Variants in PGBD1 observed in about 807,000 individuals in gnomAD.
PGBD1 encodes piggyBac transposable element derived 1.
A neutral mutation model predicts 34.7 loss-of-function variants in PGBD1; 25 were observed. That is an observed-to-expected ratio of 0.72 (90% CI 0.52 to 1.00). The LOEUF (loss-of-function observed/expected upper bound fraction) is 1.00, where lower values mean the gene tolerates loss of function less well. Among genes scored for constraint, PGBD1 ranks in the 50% least tolerant of loss-of-function variants. PGBD1 has a pLI of 0.00. For missense variants in PGBD1, 830 were observed against 959.4 expected, an observed-to-expected ratio of 0.87 and a Z score of 1.78; for synonymous variants, 292 against 335.7, an observed-to-expected ratio of 0.87 and a Z score of 1.42.
Position 28,301,421 on chromosome 6 carries a change from A to G in PGBD1, c.1567A>G (p.Arg523Gly). ...LDQKDKFTKL[R>G]PLIKQMNKNF... ...TCAAAAAGATAAGTTTACAAAGTTGAGACCTCTCATAAAACAAATGAATAA... is the reference window on the plus strand; with the variant it reads ...TCAAAAAGATAAGTTTACAAAGTTGGGACCTCTCATAAAACAAATGAATAA... The change falls in exon 7 of 7, where the codon AGA becomes GGA. Residue 523 changes from arginine (R) to glycine (G), a missense_variant. Around this residue, in one of 3 missense-constraint regions of PGBD1, gnomAD observed 372 missense variants for 427.9 expected, o/e 0.87. Transcript: ENST00000682144. 2 of 1,614,054 alleles carry G rather than the reference A, an allele frequency of 1.2e-6. No homozygotes were observed. The highest frequency in any genetic ancestry group is 1.7e-6 in the Non-Finnish European group (2 of 1,180,026).
At chr6:28,287,058 C>T in intron 3 of PGBD1, 22 bp from the exon 4 acceptor site, 1 of 1,592,114 alleles carries the variant, frequency 6.3e-7, no homozygotes. Flanking sequence ...TCATTTAGGA[C>T]TCTTGCCCTC....
In PGBD1 at chr6:28,301,933, C is replaced by G; in HGVS notation, c.2079C>G (p.Gly693=). ...EIILCRWYGD[G]IISLCSNAVG... ...TTTTGTGTCGTTGGTATGGGGATGGCATTATCAGTCTGTGCTCCAATGCTG... is the reference window on the plus strand; with the variant it reads ...TTTTGTGTCGTTGGTATGGGGATGGGATTATCAGTCTGTGCTCCAATGCTG... Residue 693 remains glycine, a synonymous_variant, in exon 7 of 7, where the codon GGC becomes GGG. Coordinates refer to ENST00000682144, the MANE Select transcript of PGBD1 (RefSeq NM_032507.4). 1 of 1,614,112 alleles carries G rather than the reference C, an allele frequency of 6.2e-7. No individual in the cohort carries two copies. The highest frequency in any genetic ancestry group is 1.3e-5 in the African/African-American group (1 of 75,010).
intron 3 of PGBD1, among the ~76,000 whole-genome samples, chr6:28,286,115 A>G (rs969184428): frequency 3.3e-5 from 5 of 152,232 alleles, no homozygotes; most frequent in Admixed American, 6.5e-5. Flanking sequence ...AGTACATATA[A>G]TAGTAAAAGT....
chr6:28,289,527 C>A (rs996257092), intron 4 of PGBD1, among the ~76,000 whole-genome samples: 5 of 152,182 alleles, frequency 3.3e-5, no homozygotes, highest in Non-Finnish European at 5.9e-5. Flanking sequence ...AGTACATGGA[C>A]AAACCCAGAA....
intron 5 of PGBD1, 79 bp from the exon 6 acceptor site, chr6:28,297,816 G>GTGTTTTTTT: frequency 2.9e-6 from 1 of 347,644 alleles, no homozygotes; most frequent in Non-Finnish European, 4.9e-6. Context: ...TACCCTGGAA[G>GTGTTTTTTT]TTTTTTTTTT....
intron 6 of PGBD1, among the ~76,000 whole-genome samples, chr6:28,299,536 C>G (rs1303547866): frequency 6.6e-6 from 1 of 152,120 alleles, no homozygotes; most frequent in African/African-American, 2.4e-5. Context: ...TACATGCAGA[C>G]ACTGAAGACA....
rs866954331 is a variant in PGBD1 at position 28,300,918 on chromosome 6, A to G, written c.1064A>G (p.Gln355Arg). ...KDKARVSELLQGLSFSGDSDV... is the reference protein window; with the variant it reads ...KDKARVSELLRGLSFSGDSDV... The stretch of plus-strand genomic sequence containing the variant: ...AAAGCTCGAGTGAGTGAACTGCTCC[A>G]AGGCCTCTCATTCTCTGGTGACTCA... Residue 355 changes from glutamine to arginine, a missense_variant, in exon 7 of 7, where the codon CAA becomes CGA. Physicochemically the swap from Gln to Arg is conservative, Grantham distance 43. Transcript: ENST00000682144. The surrounding 1 kb of genome is among the most constrained non-coding windows in gnomAD (Gnocchi z 4.0). The G allele has an allele frequency of 6.2e-7, 1 of 1,614,020 alleles. No individual in the cohort carries two copies. The highest frequency in any genetic ancestry group is 1.3e-5 in the African/African-American group (1 of 74,914).
At position 28,299,531 on chromosome 6, in the gene PGBD1, G is replaced by A. The variant is rs2223287; in HGVS notation, c.870-1193G>A. ...TTTAAGATGGATGTGTTGAATACAT[G>A]CAGACACTGAAGACACCCTGGATGA... is the stretch of plus-strand genomic sequence containing the variant. On this transcript the variant is annotated intron_variant, in intron 6 of 6. Transcript: ENST00000682144. Among the ~76,000 whole-genome samples, 727 of 152,228 alleles carry A rather than the reference G, an allele frequency of 4.8e-3. 4 individuals are homozygous for A. Among genetic ancestry groups the A allele is most frequent in the African/African-American group, 0.014 (592 of 41,534 alleles).
At chr6:28,289,351 T>G (rs1718842787) in intron 4 of PGBD1, among the ~76,000 whole-genome samples, 1 of 152,184 alleles carries the variant, frequency 6.6e-6, no homozygotes, top group African/African-American at 2.4e-5. Context: ...AGAATTATCT[T>G]TCATATATGA....
intron 3 of PGBD1, among the ~76,000 whole-genome samples, chr6:28,286,382 A>G (rs150350968): frequency 3.3e-4 from 51 of 152,314 alleles, no homozygotes; most frequent in African/African-American, 1.2e-3. Context: ...GTTAATCAAC[A>G]ATTATCTGTT....
Position 28,300,715 on chromosome 6 carries a change from C to G in PGBD1, c.870-9C>G, listed in dbSNP as rs751005753. 1.1e-5 allele frequency: 17 copies of G among 1,563,430 alleles called. No individual in the cohort carries two copies. The highest frequency in any genetic ancestry group is 1.4e-5 in the African/African-American group (1 of 72,150). ...GATTTTTATAACATGTTCTTTTTTT[C>G]TTTCCCAGAGAGTGTGCACCCCAGA... On this transcript the variant is annotated splice_polypyrimidine_tract_variant and intron_variant, in intron 6 of 6. Coordinates refer to ENST00000682144, the MANE Select transcript of PGBD1 (RefSeq NM_032507.4). The surrounding 1 kb of genome is among the most constrained non-coding windows in gnomAD (Gnocchi z 4.0).
intron 4 of PGBD1, among the ~76,000 whole-genome samples, chr6:28,294,024 C>G (rs1762551143): frequency 6.6e-6 from 1 of 152,214 alleles, no homozygotes; most frequent in Non-Finnish European, 1.5e-5. Context: ...TTGTGCCAAA[C>G]AGGCAGGTGG....
In PGBD1 at chr6:28,283,825, T is replaced by G; in HGVS notation, c.12T>G (p.Ala4=). Residue 4 remains alanine (A), a synonymous_variant, in exon 2 of 7, where the codon GCT becomes GCG. Coordinates refer to ENST00000682144, the MANE Select transcript of PGBD1 (RefSeq NM_032507.4). ...CCTCTAAGCTCAACATGTATGAAGC[T>G]TTGCCAGGCCCTGCTCCTGAAAATG... MYE[A]LPGPAPENED... is the part of the protein sequence containing the mutation. 4 of 1,597,410 alleles carry G rather than the reference T, an allele frequency of 2.5e-6. No homozygotes were observed. The East Asian group carries it at 9.0e-5, about 36-fold the overall frequency.
intron 3 of PGBD1, 146 bp downstream of exon 3, chr6:28,285,853 G>T: frequency 2.5e-6 from 2 of 805,378 alleles, no homozygotes; most frequent in Admixed American, 3.2e-5. Flanking sequence ...ATGTGTCTGT[G>T]GTAAGAATTC....
Position 28,300,326 on chromosome 6 carries a change from C to T in PGBD1, c.870-398C>T, listed in dbSNP as rs1213914762. On this transcript the variant is annotated intron_variant, in intron 6 of 6. Transcript: ENST00000682144. This position sits in a 1 kb window ranked among gnomAD's most constrained non-coding sequence, Gnocchi z 4.0. Reference sequence around the variant, plus strand: ...TGACAGAAGTTAGACTGGATAAAAACGGCTTAAAGGCAGAGCTAAATAGGC... The same window carrying T: ...TGACAGAAGTTAGACTGGATAAAAATGGCTTAAAGGCAGAGCTAAATAGGC... 1.3e-5 allele frequency among the ~76,000 whole-genome samples: 2 copies of T among 152,130 alleles called. No homozygotes were observed. The highest frequency in any genetic ancestry group is 2.9e-5 in the Non-Finnish European group (2 of 68,014).
chr6:28,282,698 C>T (rs1188637135), intron 1 of PGBD1, among the ~76,000 whole-genome samples: 1 of 152,078 alleles, frequency 6.6e-6, no homozygotes, highest in Non-Finnish European at 1.5e-5. Flanking sequence ...ACCGAGTGAA[C>T]GCAGCTTTGA....
chr6:28,297,082 C>T, intron 5 of PGBD1, 137 bp downstream of exon 5: 1 of 895,338 alleles, frequency 1.1e-6, no homozygotes, highest in South Asian at 1.8e-5. Flanking sequence ...TGCCTCCAGA[C>T]TTCTAGCCCT....
intron 4 of PGBD1, among the ~76,000 whole-genome samples, chr6:28,289,321 T>C (rs1762378820): frequency 1.3e-5 from 2 of 152,140 alleles, no homozygotes; most frequent in African/African-American, 4.8e-5. Context: ...AAACTGACAT[T>C]CAAGAATATT....
chr6:28,287,231 C>T (rs528050891), intron 4 of PGBD1, 63 bp downstream of exon 4: 1 of 1,389,342 alleles, frequency 7.2e-7, no homozygotes, highest in Non-Finnish European at 1.0e-6. Flanking sequence ...ATTCCATGTT[C>T]CTTGCCCTTC....
Sources: allele counts gnomAD v4.1 joint callset (sites outside exome capture counted in the v4.1 genomes callset), GRCh38; gene constraint gnomAD v4.1.1; regional missense constraint gnomAD v4.1.1; non-coding constraint Gnocchi (gnomAD v3.1); transcripts MANE v1.5; gene names NCBI Gene and HGNC (gene_info 2026-07-23, HGNC 2026-07-21).